The following SRGAP3 variants were observed in gnomAD, a reference collection of about 807,000 sequenced individuals.
SRGAP3 encodes the protein SLIT-ROBO Rho GTPase-activating protein 3.
A neutral mutation model predicts 121.1 loss-of-function variants in SRGAP3; 39 were observed. The ratio of observed to expected loss-of-function variants is 0.32; its 90% confidence interval spans 0.25 to 0.42. The LOEUF is 0.42. Ranked by LOEUF, SRGAP3 falls within the 10% of genes least tolerant of loss-of-function variation. The pLI is 1.00. For missense variants in SRGAP3, 1,213 were observed against 1,470.6 expected, an observed-to-expected ratio of 0.82 and a Z score of 2.86; for synonymous variants, 601 against 570.0, an observed-to-expected ratio of 1.05 and a Z score of -0.77.
rs111936459 is a variant in SRGAP3 at position 9,164,276 on chromosome 3, T to TTTTATTTATTTATTTATTTATTTATTTA, written c.68-39387_68-39360dup. Reference sequence around the variant, plus strand: ...CCCAAATCTCCTGACACCCAGACTATTTTATTTATTTATTTATTTATTTAT... The same window carrying TTTTATTTATTTATTTATTTATTTATTTA: ...CCCAAATCTCCTGACACCCAGACTATTTTATTTATTTATTTATTTATTTATTTATTTATTTATTTATTTATTTATTTAT... On this transcript the variant is annotated intron_variant, in intron 1 of 21. Coordinates refer to ENST00000383836, the MANE Select transcript of SRGAP3 (RefSeq NM_014850.4). 3.3e-4 allele frequency among the ~76,000 whole-genome samples: 47 copies of TTTTATTTATTTATTTATTTATTTATTTA among 140,850 alleles called. 1 individual carries two copies. Among genetic ancestry groups the TTTTATTTATTTATTTATTTATTTATTTA allele is most frequent in the Admixed American group, 7.2e-4 (10 of 13,932 alleles). The allele number at this position is 140,850 out of a possible 152,430, so 92.4% of individuals were successfully genotyped here.
At chr3:9,169,049 C>T (rs115876366) in intron 1 of SRGAP3, among the ~76,000 whole-genome samples, 19 of 152,332 alleles carry the variant, frequency 1.2e-4, no homozygotes, top group African/African-American at 4.3e-4. Flanking sequence ...GCCAGCACAA[C>T]TGTACATGGT....
intron 18 of SRGAP3, 96 bp downstream of exon 18, chr3:9,010,212 G>C: frequency 7.2e-7 from 1 of 1,379,848 alleles, no homozygotes; most frequent in Non-Finnish European, 1.0e-6. Context: ...GAAAGCTGAA[G>C]AGGTCTATGT....
At chr3:9,078,767 C>A (rs1165359853) in intron 4 of SRGAP3, among the ~76,000 whole-genome samples, 1 of 152,202 alleles carries the variant, frequency 6.6e-6, no homozygotes. Context: ...CATTCTCAAG[C>A]AGCAATTCTT....
chr3:9,287,721 G>T (rs1399350167), intron 3 of SRGAP3, among the ~76,000 whole-genome samples: 1 of 152,152 alleles, frequency 6.6e-6, no homozygotes, highest in Non-Finnish European at 1.5e-5. Context: ...ATACATATAT[G>T]CAAGAAACCT....
chr3:9,002,581 A>T (rs1332469255), intron 18 of SRGAP3, among the ~76,000 whole-genome samples: 4 of 152,176 alleles, frequency 2.6e-5, no homozygotes, highest in Non-Finnish European at 5.9e-5. Context: ...GGAAGGAAAT[A>T]ATAAAGATTA....
At chr3:9,282,216 T>C (rs1179389730) in intron 3 of SRGAP3, among the ~76,000 whole-genome samples, 4 of 152,256 alleles carry the variant, frequency 2.6e-5, no homozygotes, top group African/African-American at 9.6e-5. Flanking sequence ...TGAGGTTTTA[T>C]CTATCAATAG....
intron 1 of SRGAP3, among the ~76,000 whole-genome samples, chr3:9,153,939 C>T (rs527237110): frequency 2.0e-5 from 3 of 152,124 alleles, no homozygotes; most frequent in Non-Finnish European, 2.9e-5. Flanking sequence ...GGCAGCAGTC[C>T]GGGGCTCCTG....
At chr3:9,032,447 G>A (rs965884355) in intron 12 of SRGAP3, among the ~76,000 whole-genome samples, 5 of 152,178 alleles carry the variant, frequency 3.3e-5, no homozygotes, top group East Asian at 3.9e-4. Context: ...TGAGAATTGC[G>A]CAGGGCACTT....
chr3:9,232,327 T>C (rs948649286), intron 1 of SRGAP3, among the ~76,000 whole-genome samples: 5 of 152,152 alleles, frequency 3.3e-5, no homozygotes, highest in African/African-American at 1.2e-4. Flanking sequence ...ACATGCTCAT[T>C]TTTTTCAGAA....
chr3:9,260,637 C>T (rs1954235258), intron 3 of SRGAP3, among the ~76,000 whole-genome samples: 1 of 152,370 alleles, frequency 6.6e-6, no homozygotes, highest in South Asian at 2.1e-4. Context: ...GAAAGAAAGG[C>T]AGCAGCCCCA....
At chr3:9,168,976 GTGAGAGCAAGA>G (rs1950886491) in intron 1 of SRGAP3, among the ~76,000 whole-genome samples, 1 of 152,210 alleles carries the variant, frequency 6.6e-6, no homozygotes, top group Non-Finnish European at 1.5e-5. Context: ...CTGCACCCAG[GTGAGAGCAAGA>G]TTTCAGACTC....
intron 1 of SRGAP3, among the ~76,000 whole-genome samples, chr3:9,188,997 A>T (rs975044523): frequency 3.9e-5 from 6 of 152,220 alleles, no homozygotes; most frequent in Non-Finnish European, 5.9e-5. Context: ...AACAGAAGCT[A>T]AAAGAATCAG....
At chr3:9,094,184 T>C (rs1365836388) in intron 3 of SRGAP3, among the ~76,000 whole-genome samples, 1 of 152,206 alleles carries the variant, frequency 6.6e-6, no homozygotes, top group Admixed American at 6.5e-5. Flanking sequence ...TGTCTAACCA[T>C]ATGAACCATA....
chr3:9,071,704 G>T (rs1056305446), intron 4 of SRGAP3, among the ~76,000 whole-genome samples: 2 of 151,870 alleles, frequency 1.3e-5, no homozygotes, highest in African/African-American at 4.8e-5. Flanking sequence ...TGGAAAGAGT[G>T]GGGAAGGAAG....
chr3:9,200,021 G>C (rs1231188878), intron 1 of SRGAP3, among the ~76,000 whole-genome samples: 1 of 152,212 alleles, frequency 6.6e-6, no homozygotes, highest in Non-Finnish European at 1.5e-5. Context: ...AGGTTGGCTA[G>C]TAACCAGGAA....
Position 9,170,358 on chromosome 3 carries a change from T to C in SRGAP3, c.68-45441A>G, listed in dbSNP as rs570464228. On this transcript the variant is annotated intron_variant, in intron 1 of 21. Transcript: ENST00000383836. ...CTTGAATGAACTTTCTGTGTTTTTT[T>C]ACGTGGAAAACACTCACATGACAGC... Among the ~76,000 whole-genome samples, 15 of 152,284 alleles carry C rather than the reference T, an allele frequency of 9.9e-5. No homozygotes were observed. The South Asian group carries it at 3.1e-3, about 32-fold the overall frequency.
At chr3:8,997,575 C>T (rs1942480959) in intron 18 of SRGAP3, among the ~76,000 whole-genome samples, 1 of 152,190 alleles carries the variant, frequency 6.6e-6, no homozygotes, top group Non-Finnish European at 1.5e-5. Context: ...CCTCTGAGAC[C>T]TCATCTTCTC....
rs201880124 is a variant in SRGAP3, at chr3:9,073,778, C to T, written c.486+6247G>A. On this transcript the variant is annotated intron_variant, in intron 4 of 21. Coordinates refer to ENST00000383836, the MANE Select transcript of SRGAP3 (RefSeq NM_014850.4). Reference sequence around the variant, plus strand: ...ACAATCTCCAAAATATACCTATGAACGCAAAGCAAGATGCAGAATAGTAAG... The same window carrying T: ...ACAATCTCCAAAATATACCTATGAATGCAAAGCAAGATGCAGAATAGTAAG... Among the ~76,000 whole-genome samples the T allele has an allele frequency of 1.2e-4, 18 of 152,286 alleles. No homozygotes were observed. In the East Asian group the frequency reaches 2.1e-3, roughly 18 times the overall value.
chr3:9,171,446 G>T (rs903806579), intron 1 of SRGAP3, among the ~76,000 whole-genome samples: 3 of 152,218 alleles, frequency 2.0e-5, no homozygotes, highest in Non-Finnish European at 2.9e-5. Flanking sequence ...GGATTGCCCT[G>T]AGGGTCAAGT....
Sources: allele counts gnomAD v4.1 joint callset (sites outside exome capture counted in the v4.1 genomes callset), GRCh38; gene constraint gnomAD v4.1.1; transcripts MANE v1.5; gene names NCBI Gene and HGNC (gene_info 2026-07-23, HGNC 2026-07-21).